The following DCLK1 variants were observed in gnomAD, a reference collection of about 807,000 sequenced individuals.
DCLK1 encodes serine/threonine-protein kinase DCLK1.
Under a neutral mutation model 86.2 loss-of-function variants are expected in DCLK1, and 16 were observed. The observed-to-expected ratio is 0.19, with a 90% CI of 0.13 to 0.28. The LOEUF is 0.28. Ranked by LOEUF, DCLK1 falls within the 10% of genes least tolerant of loss-of-function variation. DCLK1 has a pLI of 1.00. For synonymous variants in DCLK1, 369 were observed against 370.5 expected (o/e 1.00, Z 0.05); for missense variants, 590 against 940.2 (o/e 0.63, Z 4.87).
chr13:35,935,466 A>T (rs889220477), intron 4 of DCLK1, among the ~76,000 whole-genome samples: 1 of 152,086 alleles, frequency 6.6e-6, no homozygotes, highest in Non-Finnish European at 1.5e-5. Context: ...CAGATGGGCT[A>T]TGGGGAGTAA....
chr13:35,953,791 T>C (rs770463065), intron 3 of DCLK1, among the ~76,000 whole-genome samples: 20 of 152,196 alleles, frequency 1.3e-4, no homozygotes, highest in Non-Finnish European at 2.2e-4. Flanking sequence ...TTCAGGGAGC[T>C]GGGCCAGTTT....
At chr13:35,911,334 C>T (rs17053165) in intron 4 of DCLK1, among the ~76,000 whole-genome samples, 3,983 of 151,406 alleles carry the variant, frequency 0.026, 161 homozygotes, top group African/African-American at 0.09. Context: ...CCACCAACAA[C>T]GACCTTTTCA....
intron 4 of DCLK1, among the ~76,000 whole-genome samples, chr13:35,919,957 G>T (rs563617332): frequency 6.6e-6 from 1 of 151,946 alleles, no homozygotes; most frequent in Non-Finnish European, 1.5e-5. Context: ...AAGTGCTTAC[G>T]ACACAGCCGG....
rs944699624 is a variant in DCLK1 at position 35,833,237 on chromosome 13, C to T, written c.1229+2796G>A. The stretch of plus-strand genomic sequence containing the variant: ...GGTGGGGAAGACGACCAAGAGCCAC[C>T]GGGGGCACCATCCCTGCTCATGACT... On this transcript the variant is annotated intron_variant, in intron 8 of 16. Coordinates refer to ENST00000360631, the MANE Select transcript of DCLK1 (RefSeq NM_001330071.2). Among the ~76,000 whole-genome samples the T allele has an allele frequency of 1.2e-4, 19 of 152,028 alleles. 2 individuals are homozygous for T. The highest frequency in any genetic ancestry group is 1.0e-3 in the Admixed American group (16 of 15,262).
At chr13:35,905,881 C>T (rs1684866550) in intron 4 of DCLK1, among the ~76,000 whole-genome samples, 1 of 151,730 alleles carries the variant, frequency 6.6e-6, no homozygotes, top group Admixed American at 6.6e-5. Context: ...CTAATTGATA[C>T]TCATCCCATC....
At chr13:35,783,165 T>C (rs1209055516) in intron 16 of DCLK1, among the ~76,000 whole-genome samples, 1 of 152,244 alleles carries the variant, frequency 6.6e-6, no homozygotes, top group East Asian at 1.9e-4. Flanking sequence ...ACATATACAT[T>C]ACTGAGCGGT....
chr13:35,916,399 C>T (rs550889853), intron 4 of DCLK1, among the ~76,000 whole-genome samples: 2 of 152,232 alleles, frequency 1.3e-5, no homozygotes, highest in South Asian at 4.1e-4. Flanking sequence ...CTAGGCAGCT[C>T]TCTTCCCCCT....
chr13:35,995,809 T>G (rs1045438564), intron 3 of DCLK1, among the ~76,000 whole-genome samples: 3 of 152,236 alleles, frequency 2.0e-5, no homozygotes, highest in Non-Finnish European at 4.4e-5. Flanking sequence ...TGGCTGTTCT[T>G]ATAAATGCAA....
chr13:35,850,261 A>G (rs1212503236), intron 6 of DCLK1: 1 of 984,366 alleles, frequency 1.0e-6, no homozygotes, highest in Non-Finnish European at 1.2e-6. Context: ...TTTAAAAACA[A>G]TATAACCTTT....
chr13:36,112,287 T>C, intron 2 of DCLK1, 72 bp from the exon 3 acceptor site: 1 of 1,241,902 alleles, frequency 8.1e-7, no homozygotes, highest in Non-Finnish European at 1.1e-6. Flanking sequence ...TTATCCTCTC[T>C]TTTGCCTTTT....
At position 35,846,632 on chromosome 13, in the gene DCLK1, A is replaced by G. The variant is rs1006370897; in HGVS notation, c.1036-7456T>C. The G allele has an allele frequency of 1.4e-5, 14 of 985,228 alleles. No individual in the cohort carries two copies. The East Asian group carries it at 7.9e-4, about 56-fold the overall frequency. 61.0% of individuals were successfully genotyped at this position (985,228 alleles called of 1,614,324 possible). A position where few individuals can be genotyped will look rare whatever the true frequency, so the allele number is the denominator to read the frequency against. ...TTTTCAACTGACAGTACAACACGCT[A>G]TATCAGGCAATTGGTATATTGAATT... On this transcript the variant is annotated intron_variant, in intron 6 of 16. Transcript: ENST00000360631.
At chr13:36,081,064 C>T (rs1202735454) in intron 3 of DCLK1, among the ~76,000 whole-genome samples, 5 of 151,944 alleles carry the variant, frequency 3.3e-5, no homozygotes, top group Admixed American at 6.6e-5. Context: ...TTACAGACTT[C>T]GGTGTTTGGT....
At chr13:35,861,862 TA>T (rs1251216587) in intron 5 of DCLK1, among the ~76,000 whole-genome samples, 272 of 138,918 alleles carry the variant, frequency 2.0e-3, no homozygotes, top group Middle Eastern at 3.8e-3. Context: ...CCGTCTCTAC[TA>T]AAAAAAAAAA....
intron 3 of DCLK1, among the ~76,000 whole-genome samples, chr13:36,110,276 G>A (rs1885564464): frequency 2.6e-5 from 4 of 152,112 alleles, no homozygotes; most frequent in Admixed American, 2.6e-4. Context: ...TCACAAGCCA[G>A]CATGAACTTT....
chr13:36,019,958 A>G (rs908901293), intron 3 of DCLK1, among the ~76,000 whole-genome samples: 3 of 152,096 alleles, frequency 2.0e-5, no homozygotes, highest in Non-Finnish European at 4.4e-5. Flanking sequence ...ATGGGGGTGG[A>G]TTTTTCATGA....
At chr13:36,057,056 GT>G (rs1883361228) in intron 3 of DCLK1, among the ~76,000 whole-genome samples, 1 of 151,730 alleles carries the variant, frequency 6.6e-6, no homozygotes, top group South Asian at 2.1e-4. Context: ...GCACATGTGA[GT>G]TTATATACAC....
intron 3 of DCLK1, among the ~76,000 whole-genome samples, chr13:35,998,479 C>G (rs1362264518): frequency 2.0e-5 from 3 of 152,110 alleles, no homozygotes; most frequent in Non-Finnish European, 2.9e-5. Context: ...TGTTCTCCAG[C>G]CGATGCGTCT....
chr13:35,860,124 T>C lies in DCLK1; in HGVS notation c.941-5531A>G, dbSNP rs559592750. On this transcript the variant is annotated intron_variant, in intron 5 of 16. Transcript: ENST00000360631. ...CACTTGTCAAGATTTGGGGAGAGAA[T>C]GTGTTTGCATATATGTGTGTGTCCT... Among the ~76,000 whole-genome samples the C allele has an allele frequency of 1.3e-4, 20 of 152,202 alleles. No homozygotes were observed. In the South Asian group the frequency reaches 3.7e-3, roughly 28 times the overall value.
chr13:35,993,619 C>T (rs1169287393), intron 3 of DCLK1, among the ~76,000 whole-genome samples: 1 of 152,074 alleles, frequency 6.6e-6, no homozygotes, highest in Non-Finnish European at 1.5e-5. Flanking sequence ...GAGGATGAAA[C>T]CAGTACCTGC....
Sources: allele counts gnomAD v4.1 joint callset (sites outside exome capture counted in the v4.1 genomes callset), GRCh38; gene constraint gnomAD v4.1.1; transcripts MANE v1.5; gene names NCBI Gene and HGNC (gene_info 2026-07-23, HGNC 2026-07-21).